Variants in SLC11A1 observed in about 807,000 individuals in gnomAD.
The protein encoded by SLC11A1 is natural resistance-associated macrophage protein 1.
Under a neutral mutation model 63.2 loss-of-function variants are expected in SLC11A1, and 59 were observed. The ratio of observed to expected loss-of-function variants is 0.93; its 90% confidence interval spans 0.76 to 1.16. The LOEUF is 1.16. Among genes scored for constraint, SLC11A1 ranks in the 50% most tolerant of loss-of-function variants. The probability of loss-of-function intolerance (pLI) is 0.00; values close to 1 mark genes in which losing one functional copy is unlikely to be tolerated. For synonymous variants in SLC11A1, 305 were observed against 307.8 expected (o/e 0.99, Z 0.09); for missense variants, 688 against 730.7 (o/e 0.94, Z 0.67).
intron 6 of SLC11A1, 44 bp downstream of exon 6, chr2:218,387,274 G>T (rs1455966692): frequency 6.4e-7 from 1 of 1,553,468 alleles, no homozygotes; most frequent in South Asian, 1.1e-5. Flanking sequence ...GGTGGTGAGG[G>T]TGCTGTACTG....
At chr2:218,390,871 C>T (rs1696390430) in intron 9 of SLC11A1, among the ~76,000 whole-genome samples, 2 of 151,004 alleles carry the variant, frequency 1.3e-5, no homozygotes, top group Non-Finnish European at 3.0e-5. Context: ...ATGTTGGCAA[C>T]AAATCCACAT....
rs1163090877 is a variant in SLC11A1 at position 218,387,621 on chromosome 2, T to G, written c.628T>G (p.Phe210Val). ...GLLITIMALT[F>V]GYEYVVARPE... ...CCTTATAACCATTATGGCCTTGACC[T>G]TTGGCTATGAGGTAGGAAGCCAGTG... The change falls in exon 7 of 15, where the codon TTT becomes GTT. Residue 210 changes from phenylalanine (F) to valine (V), a missense_variant. Transcript: ENST00000233202. 1 of 1,614,046 alleles carries G rather than the reference T, an allele frequency of 6.2e-7. No individual in the cohort carries two copies. Among genetic ancestry groups the G allele is most frequent in the African/African-American group, 1.3e-5 (1 of 74,918 alleles).
chr2:218,396,501 G>A lies in SLC11A1; in HGVS notation c.*1466G>A, dbSNP rs1415884198. Reference sequence around the variant, plus strand: ...GGGGACCCAGCAGGGCAGGCGGCCTGGCTCCGCGCTCAGGTCCGGACGCTT... The same window carrying A: ...GGGGACCCAGCAGGGCAGGCGGCCTAGCTCCGCGCTCAGGTCCGGACGCTT... On this transcript the variant is annotated 3_prime_UTR_variant, in exon 15 of 15. Transcript: ENST00000233202. 2.0e-5 allele frequency: 3 copies of A among 152,478 alleles called. No homozygotes were observed. Among genetic ancestry groups the A allele is most frequent in the Admixed American group, 6.5e-5 (1 of 15,292 alleles). 9.4% of individuals were successfully genotyped at this position (152,478 alleles called of 1,614,324 possible).
intron 8 of SLC11A1, among the ~76,000 whole-genome samples, chr2:218,389,617 T>C (rs758203066): frequency 6.6e-6 from 1 of 152,094 alleles, no homozygotes; most frequent in Non-Finnish European, 1.5e-5. Flanking sequence ...AAGGAGCGTG[T>C]CAGGACCTGA....
rs377234409 is a variant in SLC11A1, at chr2:218,382,949, G to A, written c.8-11G>A. The stretch of plus-strand genomic sequence containing the variant: ...GGCAGGACACTCACCATGCTTCATG[G>A]GCCCCCACAGGTGACAAGGGTCCCC... On this transcript the variant is annotated splice_polypyrimidine_tract_variant and intron_variant, in intron 1 of 14. Transcript: ENST00000233202. 40 of 1,613,820 alleles carry A rather than the reference G, an allele frequency of 2.5e-5. No individual in the cohort carries two copies. The highest frequency in any genetic ancestry group is 3.2e-5 in the Non-Finnish European group (38 of 1,179,968).
Position 218,394,989 on chromosome 2 carries a change from T to C in SLC11A1, c.1607T>C (p.Leu536Pro). 1 of 1,613,062 alleles carries C rather than the reference T, an allele frequency of 6.2e-7. No individual in the cohort carries two copies. The change falls in exon 15 of 15, where the codon CTG becomes CCG. Residue 536 changes from leucine (L) to proline (P), a missense_variant. Leu to Pro is a moderately conservative substitution (Grantham distance 98). Coordinates refer to ENST00000233202, the MANE Select transcript of SLC11A1 (RefSeq NM_000578.4). ...GCCCACAGCTCCCACCACCACTTCC[T>C]GTATGGGCTCCTTGAAGAGGACCAG... Reference protein sequence around the residue: ...FLAHSSHHHFLYGLLEEDQKG... With the variant: ...FLAHSSHHHFPYGLLEEDQKG...
intron 1 of SLC11A1, 75 bp from the exon 2 acceptor site, chr2:218,382,885 A>G: frequency 1.3e-6 from 2 of 1,587,064 alleles, no homozygotes; most frequent in Non-Finnish European, 1.7e-6. Context: ...AGGAGGAGGG[A>G]AAGGATCAGG....
intron 12 of SLC11A1, among the ~76,000 whole-genome samples, chr2:218,393,712 A>G (rs1182423096): frequency 1.3e-5 from 2 of 151,954 alleles, no homozygotes; most frequent in Admixed American, 6.6e-5. Context: ...TCCTGACCTC[A>G]GGTGATCCAC....
intron 8 of SLC11A1, among the ~76,000 whole-genome samples, chr2:218,388,830 A>G (rs1233772909): frequency 7.4e-6 from 1 of 135,358 alleles, no homozygotes; most frequent in East Asian, 2.3e-4. Flanking sequence ...AGAACTATAG[A>G]GCTGGGCGAG....
chr2:218,385,522 C>G, intron 4 of SLC11A1: 1 of 514,248 alleles, frequency 1.9e-6, no homozygotes, highest in Non-Finnish European at 3.8e-6. Flanking sequence ...TCTCAAGTAG[C>G]TGGGATTACA....
At chr2:218,386,112 G>A (rs547946828) in intron 4 of SLC11A1, among the ~76,000 whole-genome samples, 7 of 152,272 alleles carry the variant, frequency 4.6e-5, no homozygotes, top group African/African-American at 9.6e-5. Flanking sequence ...GCCAGAGTCC[G>A]GGTTGCCTGG....
Position 218,391,304 on chromosome 2 carries a change from G to T in SLC11A1, c.1044+17G>T. On this transcript the variant is annotated intron_variant, in intron 10 of 14. Transcript: ENST00000233202. The stretch of plus-strand genomic sequence containing the variant: ...TACCAGGGGGTGAGCGCGGGTGGGT[G>T]GGGAGGGCGTGACCCAGAGAGGCTC... 1 of 1,613,710 alleles carries T rather than the reference G, an allele frequency of 6.2e-7. No individual in the cohort carries two copies.
intron 4 of SLC11A1, 42 bp from the exon 5 acceptor site, chr2:218,386,593 T>C (rs1005163917): frequency 2.1e-6 from 3 of 1,431,342 alleles, no homozygotes; most frequent in Non-Finnish European, 9.7e-7. Context: ...GACAGGCAAA[T>C]AACCGGCCCA....
At chr2:218,383,397 G>T in intron 2 of SLC11A1, 1 of 359,296 alleles carries the variant, frequency 2.8e-6, no homozygotes, top group Non-Finnish European at 5.1e-6. Context: ...ACATGTTATA[G>T]CATTTAGGAA....
At chr2:218,391,337 C>T (rs200952833) in intron 10 of SLC11A1, 39 bp from the exon 11 acceptor site, 38 of 1,613,878 alleles carry the variant, frequency 2.4e-5, no homozygotes, top group South Asian at 1.9e-4. Flanking sequence ...CTCCCCGCCT[C>T]GGGCAGGGCC....
In SLC11A1 at chr2:218,391,453, C is replaced by G. The variant is rs2106336589; in HGVS notation, c.1122C>G (p.Ser374Arg). The G allele has an allele frequency of 6.2e-7, 1 of 1,612,582 alleles. No homozygotes were observed. The change falls in exon 11 of 15, where the codon AGC (serine) becomes AGG (arginine). Residue 374 changes from serine (S) to arginine (R), a missense_variant. Transcript: ENST00000233202. ...WAIGLLAAGQ[S>R]STMTGTYAGQ... ...TAGGTCTCCTGGCGGCTGGGCAGAG[C>G]TCCACCATGACGGGCACCTACGCGG...
At position 218,394,795 on chromosome 2, in the gene SLC11A1, G is replaced by T. The variant is rs779377681; in HGVS notation, c.1542+10G>T. On this transcript the variant is annotated intron_variant, in intron 14 of 14. Coordinates refer to ENST00000233202, the MANE Select transcript of SLC11A1 (RefSeq NM_000578.4). ...CCTCAGCACCTACCTGGTACAGTAG[G>T]GCCAGGGGATGCCTTGGGAATGGAT... 30 of 1,611,240 alleles carry T rather than the reference G, an allele frequency of 1.9e-5. No individual in the cohort carries two copies. The highest frequency in any genetic ancestry group is 2.5e-5 in the Non-Finnish European group (30 of 1,179,890).
intron 3 of SLC11A1, 102 bp from the exon 4 acceptor site, chr2:218,385,045 A>AC: frequency 6.6e-7 from 1 of 1,512,352 alleles, no homozygotes; most frequent in Non-Finnish European, 8.9e-7. Flanking sequence ...CATCTCTCCC[A>AC]CCCCCTCCCC....
intron 11 of SLC11A1, 60 bp from the exon 12 acceptor site, chr2:218,392,921 C>G: frequency 7.5e-7 from 1 of 1,337,076 alleles, no homozygotes; most frequent in Non-Finnish European, 1.0e-6. Flanking sequence ...TACAGAGGAT[C>G]TCTCCTCTGG....
Sources: allele counts gnomAD v4.1 joint callset (sites outside exome capture counted in the v4.1 genomes callset), GRCh38; gene constraint gnomAD v4.1.1; transcripts MANE v1.5; gene names NCBI Gene and HGNC (gene_info 2026-07-23, HGNC 2026-07-21).